Variants in SKAP2 observed in about 807,000 individuals in gnomAD.
The protein encoded by SKAP2 is src kinase-associated phosphoprotein 2.
SKAP2 carries 28 observed loss-of-function variants against 54.9 expected under a neutral mutation model. That is an observed-to-expected ratio of 0.51 (90% CI 0.38 to 0.70). The LOEUF (loss-of-function observed/expected upper bound fraction) is 0.70. Ranked by LOEUF, SKAP2 falls within the 30% of genes least tolerant of loss-of-function variation. The pLI is 0.00. For missense variants in SKAP2, 356 were observed against 424.1 expected, an observed-to-expected ratio of 0.84 and a Z score of 1.41; for synonymous variants, 137 against 134.3, an observed-to-expected ratio of 1.02 and a Z score of -0.14.
At chr7:26,729,639 T>C (rs1393415285) in intron 6 of SKAP2, among the ~76,000 whole-genome samples, 1 of 151,984 alleles carries the variant, frequency 6.6e-6, no homozygotes, top group Non-Finnish European at 1.5e-5. Flanking sequence ...AAAGTAGAAC[T>C]AACATTGTGG....
At chr7:26,761,190 A>G (rs546861716) in intron 4 of SKAP2, among the ~76,000 whole-genome samples, 1 of 152,356 alleles carries the variant, frequency 6.6e-6, no homozygotes, top group East Asian at 1.9e-4. Context: ...AATTATTTGT[A>G]GCAATAGTCC....
At chr7:26,854,215 C>A in intron 2 of SKAP2, 53 bp from the exon 3 acceptor site, 1 of 1,174,116 alleles carries the variant, frequency 8.5e-7, no homozygotes, top group South Asian at 1.5e-5. Context: ...AAAACAAGGT[C>A]TAATCAGTAA....
chr7:26,792,635 T>G (rs1261215181), intron 4 of SKAP2, among the ~76,000 whole-genome samples: 1 of 152,204 alleles, frequency 6.6e-6, no homozygotes, highest in Non-Finnish European at 1.5e-5. Context: ...TATTTTATCA[T>G]TTATAGAGCT....
At chr7:26,830,825 T>C (rs1784580348) in intron 4 of SKAP2, among the ~76,000 whole-genome samples, 1 of 152,184 alleles carries the variant, frequency 6.6e-6, no homozygotes, top group African/African-American at 2.4e-5. Context: ...CTTCTCTGTG[T>C]TTAATTTTTG....
intron 4 of SKAP2, among the ~76,000 whole-genome samples, chr7:26,772,221 A>G (rs744611): frequency 0.38 from 57,932 of 151,968 alleles, 11,627 homozygotes; most frequent in Middle Eastern, 0.48. Context: ...GGTGTGCAGC[A>G]CTTTGTTTTT....
intron 4 of SKAP2, among the ~76,000 whole-genome samples, chr7:26,812,745 T>C (rs902895219): frequency 6.6e-6 from 1 of 152,176 alleles, no homozygotes; most frequent in African/African-American, 2.4e-5. Context: ...TCTATGGTCG[T>C]ATCACTTTTT....
Position 26,669,156 on chromosome 7 carries a change from T to A in SKAP2, c.*510A>T, listed in dbSNP as rs1430197226. ...TAAATAATAACAATAAAGTTATCTA[T>A]AAAGTTTGAACATTCTTTAGCATTC... On this transcript the variant is annotated 3_prime_UTR_variant, in exon 13 of 13. Transcript: ENST00000345317. 1 of 152,212 alleles carries A rather than the reference T, an allele frequency of 6.6e-6. No individual in the cohort carries two copies. The highest frequency in any genetic ancestry group is 1.5e-5 in the Non-Finnish European group (1 of 68,028). 9.4% of individuals were successfully genotyped at this position (152,212 alleles called of 1,614,324 possible).
chr7:26,712,132 C>G lies in SKAP2; in HGVS notation c.796+13296G>C, dbSNP rs554804825. Among the ~76,000 whole-genome samples, 4 of 152,210 alleles carry G rather than the reference C, an allele frequency of 2.6e-5. No individual in the cohort carries two copies. In the East Asian group the frequency reaches 7.7e-4, roughly 29 times the overall value. Reference sequence around the variant, plus strand: ...TATTCCTCATCTGAAATGCTTGGGACTAGAAGCGTTTCAAATTTCAGATTT... The same window carrying G: ...TATTCCTCATCTGAAATGCTTGGGAGTAGAAGCGTTTCAAATTTCAGATTT... On this transcript the variant is annotated intron_variant, in intron 9 of 12. Transcript: ENST00000345317.
chr7:26,760,031 T>C (rs113282205), intron 4 of SKAP2, among the ~76,000 whole-genome samples: 1 of 152,202 alleles, frequency 6.6e-6, no homozygotes, highest in Non-Finnish European at 1.5e-5. Context: ...TGCTCTGTGC[T>C]AAAAGAAACA....
At chr7:26,700,882 T>A (rs1427233474) in intron 9 of SKAP2, among the ~76,000 whole-genome samples, 6 of 152,238 alleles carry the variant, frequency 3.9e-5, no homozygotes, top group Non-Finnish European at 7.3e-5. Context: ...AGCAGCTCAA[T>A]GACTTCATTT....
intron 4 of SKAP2, among the ~76,000 whole-genome samples, chr7:26,837,866 G>A (rs1784746425): frequency 6.7e-6 from 1 of 150,040 alleles, no homozygotes; most frequent in Non-Finnish European, 1.5e-5. Flanking sequence ...CAGCAGAGCA[G>A]TATGCTAGCT....
At chr7:26,699,905 T>G (rs1437449668) in intron 9 of SKAP2, among the ~76,000 whole-genome samples, 1 of 152,216 alleles carries the variant, frequency 6.6e-6, no homozygotes, top group Non-Finnish European at 1.5e-5. Context: ...TTGAATCACA[T>G]TAAACTGTTG....
intron 5 of SKAP2, among the ~76,000 whole-genome samples, chr7:26,739,551 C>T (rs1004394862): frequency 6.6e-6 from 1 of 152,206 alleles, no homozygotes; most frequent in African/African-American, 2.4e-5. Context: ...ATAGGAGAAC[C>T]TGCTGCTCAG....
rs114847733 is a variant in SKAP2 at position 26,699,179 on chromosome 7, T to C, written c.797-8817A>G. ...CATTGTACCAGCTTTTAACTACTAC[T>C]TGTCGCGTCTGGGTACAATATCAAA... On this transcript the variant is annotated intron_variant, in intron 9 of 12. Transcript: ENST00000345317. 6.7e-3 allele frequency among the ~76,000 whole-genome samples: 1,022 copies of C among 152,330 alleles called. 16 individuals carry two copies. Among genetic ancestry groups the C allele is most frequent in the African/African-American group, 0.023 (960 of 41,566 alleles).
intron 9 of SKAP2, among the ~76,000 whole-genome samples, chr7:26,711,935 G>A (rs1312226264): frequency 6.6e-6 from 1 of 152,140 alleles, no homozygotes; most frequent in African/African-American, 2.4e-5. Context: ...AGGGATGGAT[G>A]ATGTTTTAGT....
chr7:26,794,144 C>T (rs112254513), intron 4 of SKAP2, among the ~76,000 whole-genome samples: 176 of 152,234 alleles, frequency 1.2e-3, no homozygotes, highest in Admixed American at 3.4e-3. Context: ...AATAGTGTAT[C>T]TTCTTTTATA....
downstream of SKAP2, among the ~76,000 whole-genome samples, chr7:26,664,838 G>A (rs938386763): frequency 6.6e-6 from 1 of 151,542 alleles, no homozygotes; most frequent in Non-Finnish European, 1.5e-5. Context: ...CTATATTCAC[G>A]CCTTTGCACA....
intron 9 of SKAP2, among the ~76,000 whole-genome samples, chr7:26,721,339 C>T (rs1351147869): frequency 6.6e-6 from 1 of 152,102 alleles, no homozygotes; most frequent in Non-Finnish European, 1.5e-5. Context: ...CTGTAAACTA[C>T]TTCAAATTAA....
chr7:26,763,452 C>T (rs1782978079), intron 4 of SKAP2, among the ~76,000 whole-genome samples: 1 of 152,092 alleles, frequency 6.6e-6, no homozygotes, highest in Non-Finnish European at 1.5e-5. Flanking sequence ...ATCTATCCAT[C>T]CCTGATGATG....
Sources: allele counts gnomAD v4.1 joint callset (sites outside exome capture counted in the v4.1 genomes callset), GRCh38; gene constraint gnomAD v4.1.1; transcripts MANE v1.5; gene names NCBI Gene and HGNC (gene_info 2026-07-23, HGNC 2026-07-21).